Variants in ITGA2 observed in about 807,000 individuals in gnomAD.
ITGA2 encodes the protein integrin subunit alpha 2.
Under a neutral mutation model 146.3 loss-of-function variants are expected in ITGA2, and 101 were observed. The ratio of observed to expected loss-of-function variants is 0.69; its 90% confidence interval spans 0.59 to 0.81. ITGA2 has a LOEUF of 0.81. ITGA2 is among the 40% of genes least tolerant of loss of function. ITGA2 has a pLI of 0.00. For synonymous variants in ITGA2, 477 were observed against 487.1 expected, an observed-to-expected ratio of 0.98 and a Z score of 0.27; for missense variants, 1,281 against 1,402.7, an observed-to-expected ratio of 0.91 and a Z score of 1.39.
At chr5:53,026,183 A>G (rs1439118540) in intron 1 of ITGA2, among the ~76,000 whole-genome samples, 2 of 152,208 alleles carry the variant, frequency 1.3e-5, no homozygotes, top group African/African-American at 4.8e-5. Flanking sequence ...ACAATTTTCA[A>G]GGAGCTGTGA....
intron 1 of ITGA2, among the ~76,000 whole-genome samples, chr5:52,992,576 C>G (rs546060920): frequency 6.6e-6 from 1 of 152,322 alleles, no homozygotes; most frequent in Admixed American, 6.5e-5. Context: ...TTTTCAACCT[C>G]ACAGCCACTC....
chr5:53,055,689 G>A lies in ITGA2; in HGVS notation c.930+1G>A. 6.2e-7 allele frequency: 1 copy of A among 1,612,954 alleles called. No individual in the cohort carries two copies. The highest frequency in any genetic ancestry group is 8.5e-7 in the Non-Finnish European group (1 of 1,179,294). The stretch of plus-strand genomic sequence containing the variant: ...CAATATACTGAGGTTTGGCATAGCA[G>A]TAAGTGGCTTTTCTTTTCACTTGTC... On this transcript the variant is annotated splice_donor_variant, in intron 8 of 29. Coordinates refer to ENST00000296585, the MANE Select transcript of ITGA2 (RefSeq NM_002203.4). LOFTEE classifies it high-confidence loss of function.
At chr5:53,066,922 G>A (rs1420741745) in intron 15 of ITGA2, among the ~76,000 whole-genome samples, 196 bp from the exon 16 acceptor site, 1 of 151,750 alleles carries the variant, frequency 6.6e-6, no homozygotes, top group African/African-American at 2.4e-5. Flanking sequence ...TGTTAGTGAT[G>A]CAGTCACAAA....
At chr5:53,064,736 A>C (rs535384538) in intron 13 of ITGA2, among the ~76,000 whole-genome samples, 176 bp from the exon 14 acceptor site, 2 of 151,844 alleles carry the variant, frequency 1.3e-5, no homozygotes, top group African/African-American at 4.8e-5. Flanking sequence ...TTATAGAGAC[A>C]AGGTCTCACT....
At chr5:53,024,388 G>C (rs539438088) in intron 1 of ITGA2, among the ~76,000 whole-genome samples, 1 of 152,178 alleles carries the variant, frequency 6.6e-6, no homozygotes, top group African/African-American at 2.4e-5. Flanking sequence ...TTTTTCCCTT[G>C]AGTTTTCTCT....
intron 2 of ITGA2, among the ~76,000 whole-genome samples, chr5:53,033,634 G>T (rs1280682486): frequency 6.6e-6 from 1 of 152,034 alleles, no homozygotes; most frequent in East Asian, 1.9e-4. Context: ...GTCTCAGTCT[G>T]TCACCAAGGC....
At chr5:52,999,972 A>C (rs989033259) in intron 1 of ITGA2, among the ~76,000 whole-genome samples, 2 of 152,126 alleles carry the variant, frequency 1.3e-5, no homozygotes, top group African/African-American at 4.8e-5. Context: ...CCATTTCTCT[A>C]GTCTTATTTT....
In ITGA2 at chr5:53,056,128, G is replaced by T; in HGVS notation, c.1075G>T (p.Glu359Ter). ...ALLEKAGTLG[E>*]QIFSIEGTVQ... ...ACTAGAAAAGGCTGGGACATTAGGA[G>T]AACAAATTTTCAGCATTGAAGGTAA... The change falls in exon 9 of 30, where the codon GAA becomes TAA. Residue 359 changes from glutamate to a stop codon, truncating the protein, a stop_gained. Transcript: ENST00000296585. LOFTEE classifies it high-confidence loss of function. 2 of 1,611,538 alleles carry T rather than the reference G, an allele frequency of 1.2e-6. No homozygotes were observed. Among genetic ancestry groups the T allele is most frequent in the Non-Finnish European group, 1.7e-6 (2 of 1,178,622 alleles).
rs770581243 is a variant in ITGA2, at chr5:53,065,937, G to A, written c.1903G>A (p.Asp635Asn). The A allele has an allele frequency of 9.3e-6, 15 of 1,611,916 alleles. No individual in the cohort carries two copies. The highest frequency in any genetic ancestry group is 8.8e-5 in the South Asian group (8 of 91,052). Residue 635 changes from aspartate to asparagine, a missense_variant, in exon 15 of 30, where the codon GAT becomes AAT. Around this residue, in one of 3 missense-constraint regions of ITGA2, gnomAD observed 795 missense variants for 841.7 expected, o/e 0.94. Coordinates refer to ENST00000296585, the MANE Select transcript of ITGA2 (RefSeq NM_002203.4). ...YGDLNGDSITDVSIGAFGQVV... is the reference protein window; with the variant it reads ...YGDLNGDSITNVSIGAFGQVV... Reference sequence around the variant, plus strand: ...AGATTTAAATGGGGATTCCATCACCGATGTGTCTATTGGTGCCTTTGGACA... The same window carrying A: ...AGATTTAAATGGGGATTCCATCACCAATGTGTCTATTGGTGCCTTTGGACA...
chr5:53,081,505 A>C (rs1745913751), intron 25 of ITGA2, 87 bp from the exon 26 acceptor site: 7 of 1,019,760 alleles, frequency 6.9e-6, no homozygotes, highest in South Asian at 1.4e-5. Context: ...GACCCCTACA[A>C]GTGACAGTAG....
intron 16 of ITGA2, among the ~76,000 whole-genome samples, chr5:53,069,439 T>C (rs2111987852): frequency 6.6e-6 from 1 of 152,026 alleles, no homozygotes; most frequent in African/African-American, 2.4e-5. Context: ...CAGTGTTGCA[T>C]GCATTTCCCT....
intron 2 of ITGA2, among the ~76,000 whole-genome samples, chr5:53,027,559 G>T (rs1743010893): frequency 6.6e-6 from 1 of 152,226 alleles, no homozygotes; most frequent in Admixed American, 6.5e-5. Context: ...TGAACCCAGA[G>T]AAATGAGGTA....
At chr5:53,068,844 C>T (rs536552722) in intron 16 of ITGA2, among the ~76,000 whole-genome samples, 4 of 148,932 alleles carry the variant, frequency 2.7e-5, no homozygotes, top group South Asian at 4.3e-4. Context: ...GCCCATGAAG[C>T]GATGTATCAT....
At chr5:53,032,954 C>A (rs1242631701) in intron 2 of ITGA2, among the ~76,000 whole-genome samples, 1 of 152,044 alleles carries the variant, frequency 6.6e-6, no homozygotes, top group Non-Finnish European at 1.5e-5. Context: ...GTTATGAGCA[C>A]CTTGTGTGAG....
intron 4 of ITGA2, among the ~76,000 whole-genome samples, chr5:53,045,527 C>T (rs1744032574): frequency 6.6e-6 from 1 of 152,136 alleles, no homozygotes; most frequent in East Asian, 1.9e-4. Context: ...CATGTCAGTG[C>T]TCACTTTCAT....
At chr5:53,065,236 A>G in intron 14 of ITGA2, 121 bp downstream of exon 14, 1 of 1,003,102 alleles carries the variant, frequency 1.0e-6, no homozygotes, top group Non-Finnish European at 1.5e-6. Flanking sequence ...TCTTTCACTC[A>G]GCAAATATAA....
chr5:53,063,786 T>C (rs927802367), intron 13 of ITGA2, among the ~76,000 whole-genome samples: 2 of 151,942 alleles, frequency 1.3e-5, no homozygotes, highest in East Asian at 1.9e-4. Flanking sequence ...GAATGTGTAA[T>C]TGAGTATCAA....
At chr5:53,051,091 AAC>A (rs1213833533) in intron 6 of ITGA2, among the ~76,000 whole-genome samples, 1 of 152,220 alleles carries the variant, frequency 6.6e-6, no homozygotes, top group Non-Finnish European at 1.5e-5. Flanking sequence ...TCCTGTTAAA[AAC>A]AGTGTTCTAA....
intron 2 of ITGA2, among the ~76,000 whole-genome samples, chr5:53,033,183 C>T (rs1176796406): frequency 6.6e-6 from 1 of 152,060 alleles, no homozygotes; most frequent in Non-Finnish European, 1.5e-5. Context: ...GCAGGAGAAT[C>T]ACTTGAACCT....
Sources: gnomAD v4.1 joint callset for allele counts (sites outside exome capture counted in the v4.1 genomes callset) on GRCh38, gnomAD v4.1.1 for gene constraint, gnomAD v4.1.1 regional missense constraint, MANE v1.5 for transcripts, NCBI Gene and HGNC (gene_info 2026-07-23, HGNC 2026-07-21) for gene names.